The following LRRTM4 variants were observed in gnomAD, a reference collection of about 807,000 sequenced individuals.
The protein encoded by LRRTM4 is leucine rich repeat transmembrane neuronal 4.
A neutral mutation model predicts 47.6 loss-of-function variants in LRRTM4; 25 were observed. The ratio of observed to expected loss-of-function variants is 0.53; its 90% CI spans 0.38 to 0.73. The LOEUF is 0.73. Among genes scored for constraint, LRRTM4 ranks in the 30% least tolerant of loss-of-function variants. The pLI, the probability that LRRTM4 is intolerant of heterozygous loss-of-function variation, is 0.00. For missense variants in LRRTM4, 638 were observed against 713.4 expected, an observed-to-expected ratio of 0.89 and a Z score of 1.20; for synonymous variants, 311 against 269.5, an observed-to-expected ratio of 1.15 and a Z score of -1.51.
At chr2:77,113,011 C>T (rs903367617) in intron 3 of LRRTM4, among the ~76,000 whole-genome samples, 7 of 152,138 alleles carry the variant, frequency 4.6e-5, no homozygotes, top group African/African-American at 1.7e-4. Flanking sequence ...GGGTATAATT[C>T]ATTGTGACCT....
intron 3 of LRRTM4, among the ~76,000 whole-genome samples, chr2:77,064,310 G>A (rs1679884114): frequency 6.6e-6 from 1 of 152,074 alleles, no homozygotes; most frequent in Non-Finnish European, 1.5e-5. Context: ...ATTTAAAATA[G>A]GCCTTCAGTG....
chr2:77,518,266 T>G (rs2104124225), intron 3 of LRRTM4, 52 bp downstream of exon 3: 1 of 1,485,638 alleles, frequency 6.7e-7, no homozygotes. Flanking sequence ...TTCAAACATT[T>G]ACCTCTCCTT....
intron 3 of LRRTM4, among the ~76,000 whole-genome samples, chr2:77,062,239 C>G (rs976644358): frequency 6.6e-6 from 1 of 152,106 alleles, no homozygotes; most frequent in East Asian, 1.9e-4. Context: ...CACAATAATT[C>G]TAAAATCTAC....
At chr2:76,977,088 T>G (rs1217115124) in intron 3 of LRRTM4, among the ~76,000 whole-genome samples, 1 of 151,594 alleles carries the variant, frequency 6.6e-6, no homozygotes, top group African/African-American at 2.4e-5. Flanking sequence ...AGCAAAACTC[T>G]TACCTTTGAG....
chr2:76,992,390 C>T (rs905312670), intron 3 of LRRTM4, among the ~76,000 whole-genome samples: 1 of 151,734 alleles, frequency 6.6e-6, no homozygotes, highest in East Asian at 1.9e-4. Flanking sequence ...ACCCTAAAGA[C>T]TTTGCCTAAA....
chr2:77,237,553 T>C (rs1316033254), intron 3 of LRRTM4, among the ~76,000 whole-genome samples: 4 of 152,124 alleles, frequency 2.6e-5, no homozygotes, highest in Admixed American at 1.3e-4. Flanking sequence ...CTCAATTTCA[T>C]TGAGTTCTGA....
intron 3 of LRRTM4, among the ~76,000 whole-genome samples, chr2:77,112,228 A>G (rs1671270655): frequency 6.6e-6 from 1 of 152,212 alleles, no homozygotes; most frequent in Non-Finnish European, 1.5e-5. Context: ...CTTTTAGTAA[A>G]TGTTAACTTG....
At chr2:76,984,078 G>C (rs905500646) in intron 3 of LRRTM4, among the ~76,000 whole-genome samples, 9 of 151,938 alleles carry the variant, frequency 5.9e-5, no homozygotes, top group Admixed American at 5.9e-4. Context: ...AAACAATGAT[G>C]AATTATTTAT....
chr2:76,758,435 C>T (rs1030179092), intron 3 of LRRTM4, among the ~76,000 whole-genome samples: 3 of 152,254 alleles, frequency 2.0e-5, no homozygotes, highest in Non-Finnish European at 2.9e-5. Context: ...ATGCTTGATA[C>T]AGTGAAATGA....
chr2:76,847,068 A>G (rs1198427903), intron 3 of LRRTM4, among the ~76,000 whole-genome samples: 1 of 152,216 alleles, frequency 6.6e-6, no homozygotes, highest in East Asian at 1.9e-4. Context: ...CAGATAGATT[A>G]GATATCAAGA....
intron 3 of LRRTM4, among the ~76,000 whole-genome samples, chr2:76,918,670 T>A (rs1452043700): frequency 6.6e-6 from 1 of 152,190 alleles, no homozygotes; most frequent in Non-Finnish European, 1.5e-5. Flanking sequence ...ACAGCCATTT[T>A]CTTTCCCTTT....
intron 3 of LRRTM4, among the ~76,000 whole-genome samples, chr2:77,043,478 C>T (rs531961014): frequency 2.0e-5 from 3 of 151,856 alleles, no homozygotes; most frequent in South Asian, 2.1e-4. Flanking sequence ...TCCTGTAATG[C>T]TTACACAAAC....
rs60661033 is a variant in LRRTM4, at chr2:77,319,016, A to C, written c.1551+199302T>G. On this transcript the variant is annotated intron_variant, in intron 3 of 3. Coordinates refer to ENST00000409884, the MANE Select transcript of LRRTM4 (RefSeq NM_001134745.3). ...CTATTTTCTCCATTTATAGATAGAG[A>C]AAATATTTTTAACAGGATTACTCAA... is the stretch of plus-strand genomic sequence containing the variant. Among the ~76,000 whole-genome samples the C allele has an allele frequency of 8.6e-3, 1,310 of 152,200 alleles. 21 individuals are homozygous for C. Among genetic ancestry groups the C allele is most frequent in the African/African-American group, 0.031 (1,269 of 41,530 alleles).
chr2:77,072,331 A>G (rs1360691597), intron 3 of LRRTM4, among the ~76,000 whole-genome samples: 1 of 152,212 alleles, frequency 6.6e-6, no homozygotes, highest in Non-Finnish European at 1.5e-5. Flanking sequence ...TCATGTCAGC[A>G]TACTTATAAA....
intron 3 of LRRTM4, among the ~76,000 whole-genome samples, chr2:77,050,799 A>G (rs1385459558): frequency 6.6e-6 from 1 of 152,150 alleles, no homozygotes; most frequent in Non-Finnish European, 1.5e-5. Context: ...ATTTCATAGG[A>G]TTGAGTATTA....
At chr2:76,907,053 C>A (rs1335753785) in intron 3 of LRRTM4, among the ~76,000 whole-genome samples, 3 of 152,018 alleles carry the variant, frequency 2.0e-5, no homozygotes, top group Admixed American at 6.6e-5. Context: ...TTTTTCAGCA[C>A]CAAACCACAC....
intron 3 of LRRTM4, among the ~76,000 whole-genome samples, chr2:77,149,427 A>T (rs531227403): frequency 6.6e-5 from 10 of 152,222 alleles, no homozygotes; most frequent in African/African-American, 2.2e-4. Context: ...AGCTTCATTA[A>T]TTTCACAGAT....
chr2:77,198,034 G>GACT lies in LRRTM4; in HGVS notation c.1551+320281_1551+320283dup, dbSNP rs1467870811. ...ATAAATATGAATATCAGTTAGGCTA[G>GACT]ACTAGGTCATGTTGCAGTATAGTAA... is the stretch of plus-strand genomic sequence containing the variant. On this transcript the variant is annotated intron_variant, in intron 3 of 3. Transcript: ENST00000409884. Among the ~76,000 whole-genome samples, 3 of 152,262 alleles carry GACT rather than the reference G, an allele frequency of 2.0e-5. No individual in the cohort carries two copies. In the East Asian group the frequency reaches 5.8e-4, roughly 29 times the overall value.
chr2:76,779,558 G>T (rs1433116514), intron 3 of LRRTM4, among the ~76,000 whole-genome samples: 1 of 147,714 alleles, frequency 6.8e-6, no homozygotes, highest in Non-Finnish European at 1.5e-5. Context: ...TTTAAAGTCT[G>T]TTTTATCAGA....
Sources: gnomAD v4.1 joint callset for allele counts (sites outside exome capture counted in the v4.1 genomes callset) on GRCh38, gnomAD v4.1.1 for gene constraint, MANE v1.5 for transcripts, NCBI Gene and HGNC (gene_info 2026-07-23, HGNC 2026-07-21) for gene names.